Variants in INPP5D observed in about 807,000 individuals in gnomAD.
The protein encoded by INPP5D is inositol polyphosphate-5-phosphatase D.
In INPP5D, 33 loss-of-function variants were observed where a neutral mutation model predicts 122.9. The observed-to-expected ratio is 0.27, with a 90% CI of 0.20 to 0.36. The LOEUF (loss-of-function observed/expected upper bound fraction) is 0.36. Ranked by LOEUF, INPP5D falls within the 10% of genes least tolerant of loss-of-function variation. The pLI, the probability that INPP5D is intolerant of heterozygous loss-of-function variation, is 1.00. For synonymous variants in INPP5D, 584 were observed against 576.2 expected (o/e 1.01, Z -0.19); for missense variants, 1,053 against 1,412.7 (o/e 0.75, Z 4.08).
At chr2:233,087,420 G>A (rs1030603985) in intron 2 of INPP5D, among the ~76,000 whole-genome samples, 10 of 152,062 alleles carry the variant, frequency 6.6e-5, no homozygotes, top group Non-Finnish European at 7.4e-5. Flanking sequence ...CCTGCCTCCC[G>A]GGTTGAAGTG....
intron 2 of INPP5D, among the ~76,000 whole-genome samples, chr2:233,096,406 CT>C (rs1458444483): frequency 6.6e-6 from 1 of 152,092 alleles, no homozygotes; most frequent in African/African-American, 2.4e-5. Flanking sequence ...AATCCCAGCA[CT>C]TTGGAAGGCA....
intron 1 of INPP5D, among the ~76,000 whole-genome samples, chr2:233,070,681 T>G (rs1004002899): frequency 6.6e-6 from 1 of 152,002 alleles, no homozygotes; most frequent in Non-Finnish European, 1.5e-5. Context: ...GACCTTGTGG[T>G]CCGCTCGCCT....
chr2:233,118,643 C>A (rs1485159371), intron 2 of INPP5D, among the ~76,000 whole-genome samples: 1 of 152,250 alleles, frequency 6.6e-6, no homozygotes, highest in Non-Finnish European at 1.5e-5. Flanking sequence ...TGCCTGCAGG[C>A]ACAGGGTGCT....
chr2:233,136,199 C>A (rs548252413), intron 5 of INPP5D, among the ~76,000 whole-genome samples: 1 of 152,180 alleles, frequency 6.6e-6, no homozygotes, highest in Non-Finnish European at 1.5e-5. Context: ...AATAGAAGGC[C>A]GGGCCTAGTG....
Position 233,184,518 on chromosome 2 carries a change from G to A in INPP5D, c.2272G>A (p.Glu758Lys). The change falls in exon 20 of 27, where the codon GAG becomes AAG. Residue 758 changes from glutamate (E) to lysine (K), a missense_variant. Glu to Lys is a moderately conservative substitution (Grantham distance 56). Around this residue, in one of 6 missense-constraint regions of INPP5D, gnomAD observed 258 missense variants for 439.1 expected, o/e 0.59. Transcript: ENST00000445964. ...FYLEFHSSCL[E>K]SFVKSQEGEN... Reference sequence around the variant, plus strand: ...CCTGGAGTTCCACTCGAGCTGCTTGGAGAGTAAGTGGCTGCTGAGCCACCT... The same window carrying A: ...CCTGGAGTTCCACTCGAGCTGCTTGAAGAGTAAGTGGCTGCTGAGCCACCT... The A allele has an allele frequency of 1.2e-6, 2 of 1,613,956 alleles. No homozygotes were observed. Among genetic ancestry groups the A allele is most frequent in the Non-Finnish European group, 1.7e-6 (2 of 1,179,866 alleles).
At chr2:233,111,668 C>A (rs138059600) in intron 2 of INPP5D, among the ~76,000 whole-genome samples, 1 of 152,204 alleles carries the variant, frequency 6.6e-6, no homozygotes, top group Non-Finnish European at 1.5e-5. Flanking sequence ...GGTACAATGG[C>A]GCTCTGCTGT....
intron 1 of INPP5D, 80 bp downstream of exon 1, chr2:233,060,692 C>CTT: frequency 1.9e-6 from 3 of 1,564,346 alleles, no homozygotes; most frequent in Non-Finnish European, 2.6e-6. Context: ...ATGGGTTGTT[C>CTT]TTATGTCACA....
At position 233,082,295 on chromosome 2, in the gene INPP5D, A is replaced by G. The variant is rs564510685; in HGVS notation, c.198+2897A>G. Among the ~76,000 whole-genome samples the G allele has an allele frequency of 1.3e-5, 2 of 152,320 alleles. No individual in the cohort carries two copies. Among genetic ancestry groups the G allele is most frequent in the East Asian group, 3.9e-4 (2 of 5,162 alleles). On this transcript the variant is annotated intron_variant, in intron 2 of 26. Coordinates refer to ENST00000445964, the MANE Select transcript of INPP5D (RefSeq NM_001017915.3). The surrounding 1 kb of genome is among the most constrained non-coding windows in gnomAD (Gnocchi z 4.7). ...AGGACCAAGTGCACACTCATGCCCA[A>G]TTAAGCAGACTCAGAGCCCTTCGGG...
intron 9 of INPP5D, among the ~76,000 whole-genome samples, chr2:233,153,499 A>G (rs1417612719): frequency 6.6e-6 from 1 of 152,192 alleles, no homozygotes; most frequent in Admixed American, 6.5e-5. Flanking sequence ...GGATAGCGAG[A>G]GTCACTTGTA....
intron 22 of INPP5D, 99 bp from the exon 23 acceptor site, chr2:233,193,713 G>T: frequency 1.3e-6 from 2 of 1,592,948 alleles, no homozygotes; most frequent in Non-Finnish European, 1.7e-6. Context: ...CCCTTGCCTG[G>T]GCTATAGTTT....
rs749198817 is a variant in INPP5D, at chr2:233,100,914, T to C, written c.199-21193T>C. On this transcript the variant is annotated intron_variant, in intron 2 of 26. Transcript: ENST00000445964. The surrounding 1 kb of genome is among the most constrained non-coding windows in gnomAD (Gnocchi z 5.3). ...CCCCTCAAAGAAGGCGGAAGCTTCC[T>C]GTCGTGGTCTGGCCCTTTGCCATCT... 6.6e-6 allele frequency among the ~76,000 whole-genome samples: 1 copy of C among 152,234 alleles called. No homozygotes were observed. Among genetic ancestry groups the C allele is most frequent in the South Asian group, 2.1e-4 (1 of 4,830 alleles).
chr2:233,175,383 A>G (rs911316370), intron 17 of INPP5D, among the ~76,000 whole-genome samples: 2 of 152,210 alleles, frequency 1.3e-5, no homozygotes, highest in African/African-American at 4.8e-5. Flanking sequence ...CCAACATAAA[A>G]GAGTATCTAC....
intron 6 of INPP5D, chr2:233,140,643 A>G: frequency 6.6e-6 from 1 of 152,222 alleles, no homozygotes; most frequent in African/African-American, 2.4e-5. Flanking sequence ...CATGTATTAA[A>G]ACTGCAATAC....
chr2:233,183,045 G>A lies in INPP5D; in HGVS notation c.2161+546G>A, dbSNP rs1000962100. Among the ~76,000 whole-genome samples the A allele has an allele frequency of 6.6e-6, 1 of 152,180 alleles. No homozygotes were observed. Reference sequence around the variant, plus strand: ...AAAATCGTTAAGATGGGATGCAAATGACTGAGTTTTGGGAAACACCACAGT... The same window carrying A: ...AAAATCGTTAAGATGGGATGCAAATAACTGAGTTTTGGGAAACACCACAGT... On this transcript the variant is annotated intron_variant, in intron 19 of 26. Coordinates refer to ENST00000445964, the MANE Select transcript of INPP5D (RefSeq NM_001017915.3). This position sits in a 1 kb window ranked among gnomAD's most constrained non-coding sequence, Gnocchi z 4.6.
chr2:233,141,433 G>C (rs1693629334), intron 6 of INPP5D: 2 of 152,044 alleles, frequency 1.3e-5, no homozygotes, highest in South Asian at 4.2e-4. Context: ...CAGGTGTGGT[G>C]GCGGGCGCCT....
At chr2:233,063,337 C>T (rs957167032) in intron 1 of INPP5D, among the ~76,000 whole-genome samples, 1 of 152,214 alleles carries the variant, frequency 6.6e-6, no homozygotes, top group Non-Finnish European at 1.5e-5. Flanking sequence ...CTGCCTGGGC[C>T]CCAGCAGCAC....
At chr2:233,086,506 G>A (rs1252851915) in intron 2 of INPP5D, among the ~76,000 whole-genome samples, 1 of 152,048 alleles carries the variant, frequency 6.6e-6, no homozygotes, top group Non-Finnish European at 1.5e-5. Flanking sequence ...ACCTTTGGAA[G>A]CTGCCATAGG....
At chr2:233,195,920 G>A (rs531298571) in intron 24 of INPP5D, among the ~76,000 whole-genome samples, 3 of 152,270 alleles carry the variant, frequency 2.0e-5, no homozygotes, top group East Asian at 1.9e-4. Flanking sequence ...GCAGTGAGCC[G>A]AGATTTCACC....
Position 233,128,064 on chromosome 2 carries a change from C to A in INPP5D, c.524+2145C>A, listed in dbSNP as rs184581741. On this transcript the variant is annotated intron_variant, in intron 4 of 26. Transcript: ENST00000445964. The surrounding 1 kb of genome is among the most constrained non-coding windows in gnomAD (Gnocchi z 4.5). Reference sequence around the variant, plus strand: ...GAACTGGGTGGCAGCAGGAGGTGAGCGGAGGGCAAGCGAGCATTACCACCT... The same window carrying A: ...GAACTGGGTGGCAGCAGGAGGTGAGAGGAGGGCAAGCGAGCATTACCACCT... 6.6e-6 allele frequency among the ~76,000 whole-genome samples: 1 copy of A among 152,286 alleles called. No homozygotes were observed. Among genetic ancestry groups the A allele is most frequent in the Non-Finnish European group, 1.5e-5 (1 of 68,030 alleles).
Sources: gnomAD v4.1 joint callset for allele counts (sites outside exome capture counted in the v4.1 genomes callset) on GRCh38, gnomAD v4.1.1 for gene constraint, gnomAD v4.1.1 regional missense constraint, Gnocchi (gnomAD v3.1) non-coding constraint, MANE v1.5 for transcripts, NCBI Gene and HGNC (gene_info 2026-07-23, HGNC 2026-07-21) for gene names.